The following IQCB1 variants were observed in gnomAD, a reference collection of about 807,000 sequenced individuals.
IQCB1 encodes IQ motif containing B1, also known as IQ calmodulin-binding motif-containing protein 1.
A neutral mutation model predicts 84.4 loss-of-function variants in IQCB1; 56 were observed. The observed-to-expected ratio is 0.66, with a 90% confidence interval of 0.54 to 0.83. The LOEUF is 0.83. Ranked by LOEUF, IQCB1 falls within the 40% of genes least tolerant of loss-of-function variation. The pLI, the probability that IQCB1 is intolerant of heterozygous loss-of-function variation, is 0.00. For missense variants in IQCB1, 629 were observed against 682.1 expected (o/e 0.92, Z 0.87); for synonymous variants, 210 against 234.8 (o/e 0.89, Z 0.96).
At position 121,797,177 on chromosome 3, in the gene IQCB1, C is replaced by A. The variant is rs794727964; in HGVS notation, c.817G>T (p.Glu273Ter). The A allele has an allele frequency of 1.2e-6, 2 of 1,610,670 alleles. No individual in the cohort carries two copies. The highest frequency in any genetic ancestry group is 1.8e-4 in the Middle Eastern group (1 of 5,576). ...AAAAGGCCAACAAGCTGTCTAAGTTCTTGACTGAATTCAGTCCCAGTTTCC... is the reference window on the plus strand; with the variant it reads ...AAAAGGCCAACAAGCTGTCTAAGTTATTGACTGAATTCAGTCCCAGTTTCC... ...KQETGTEFSQ[E>*]LRQLVGLLSP... The change falls in exon 9 of 15, where the codon GAA becomes TAA. Residue 273 changes from glutamate to a stop codon, truncating the protein, a stop_gained. Coordinates refer to ENST00000310864, the MANE Select transcript of IQCB1 (RefSeq NM_001023570.4). LOFTEE classifies it high-confidence loss of function.
intron 8 of IQCB1, among the ~76,000 whole-genome samples, 176 bp from the exon 9 acceptor site, chr3:121,797,403 G>A: frequency 6.8e-6 from 1 of 147,468 alleles, no homozygotes; most frequent in Non-Finnish European, 1.5e-5. Context: ...AAATCTTTAA[G>A]ATATTCCTCC....
At chr3:121,787,576 C>T (rs1369670214) in intron 12 of IQCB1, among the ~76,000 whole-genome samples, 1 of 151,992 alleles carries the variant, frequency 6.6e-6, no homozygotes, top group South Asian at 2.1e-4. Flanking sequence ...TATGGTGAAA[C>T]CCCGTCTCTA....
chr3:121,819,115 T>C (rs934049715), intron 5 of IQCB1, among the ~76,000 whole-genome samples: 3 of 152,222 alleles, frequency 2.0e-5, no homozygotes, highest in African/African-American at 7.2e-5. Flanking sequence ...ATTTATTGTG[T>C]GCTTTATTTA....
chr3:121,805,692 G>A (rs974975151), intron 7 of IQCB1, among the ~76,000 whole-genome samples: 49 of 152,106 alleles, frequency 3.2e-4, no homozygotes, highest in Admixed American at 7.9e-4. Flanking sequence ...GTTGGAAACA[G>A]GCACTATTTC....
chr3:121,821,989 C>T (rs984397467), intron 5 of IQCB1, among the ~76,000 whole-genome samples: 11 of 152,174 alleles, frequency 7.2e-5, no homozygotes, highest in Non-Finnish European at 1.3e-4. Context: ...AAGATTGACC[C>T]TCTCCCACAT....
intron 5 of IQCB1, among the ~76,000 whole-genome samples, chr3:121,811,977 T>C (rs1949848287): frequency 6.6e-6 from 1 of 152,184 alleles, no homozygotes; most frequent in Admixed American, 6.5e-5. Context: ...CTCAAGTGGG[T>C]CCCTGACCCT....
intron 4 of IQCB1, among the ~76,000 whole-genome samples, chr3:121,826,497 AG>A (rs1036004890): frequency 1.3e-5 from 2 of 152,228 alleles, no homozygotes; most frequent in African/African-American, 4.8e-5. Context: ...TCAAAGCTAT[AG>A]GATACCTTGA....
At chr3:121,790,689 G>A (rs755967223) in intron 10 of IQCB1, among the ~76,000 whole-genome samples, 1 of 152,104 alleles carries the variant, frequency 6.6e-6, no homozygotes, top group Non-Finnish European at 1.5e-5. Flanking sequence ...TTAGTGACAT[G>A]AGAATATACT....
chr3:121,810,656 T>C (rs1299974272), intron 5 of IQCB1, among the ~76,000 whole-genome samples: 1 of 152,080 alleles, frequency 6.6e-6, no homozygotes, highest in African/African-American at 2.4e-5. Flanking sequence ...TAAATAAAGG[T>C]GCTTTGAAGA....
chr3:121,779,689 T>C (rs1948391668), intron 13 of IQCB1, among the ~76,000 whole-genome samples: 1 of 152,216 alleles, frequency 6.6e-6, no homozygotes, highest in African/African-American at 2.4e-5. Context: ...CTGCTAGACA[T>C]TGTGACTTTT....
intron 13 of IQCB1, among the ~76,000 whole-genome samples, chr3:121,776,204 C>T (rs113305044): frequency 0.032 from 4,893 of 152,104 alleles, 270 homozygotes; most frequent in African/African-American, 0.11. Flanking sequence ...GAATTATGGG[C>T]GTGAGTCACC....
intron 14 of IQCB1, among the ~76,000 whole-genome samples, chr3:121,772,308 A>T (rs1271821630): frequency 6.6e-6 from 1 of 151,936 alleles, no homozygotes; most frequent in African/African-American, 2.4e-5. Flanking sequence ...AGGGCTCAGC[A>T]TCTGAAATTA....
At chr3:121,810,761 C>T (rs72959239) in intron 5 of IQCB1, among the ~76,000 whole-genome samples, 3,450 of 152,146 alleles carry the variant, frequency 0.023, 133 homozygotes, top group African/African-American at 0.079. Flanking sequence ...CAGTGATTTG[C>T]TATAGAACCT....
At chr3:121,822,956 A>ACCCAG (rs1950327417) in intron 5 of IQCB1, among the ~76,000 whole-genome samples, 2 of 152,346 alleles carry the variant, frequency 1.3e-5, no homozygotes, top group African/African-American at 4.8e-5. Context: ...TGACCCAGAG[A>ACCCAG]AAAAACAGAT....
Position 121,799,495 on chromosome 3 carries a change from C to G in IQCB1, c.588-121G>C, listed in dbSNP as rs114055652. On this transcript the variant is annotated intron_variant, in intron 7 of 14. Transcript: ENST00000310864. ...ACTGTGTCCTGATCCAAGAATATAA[C>G]CACTTTTTCAAATATATGTTGGTTC... The G allele has an allele frequency of 2.0e-3, 1,313 of 652,844 alleles. 3 individuals carry two copies. The highest frequency in any genetic ancestry group is 5.2e-3 in the Admixed American group (180 of 34,848). 40.4% of individuals were successfully genotyped at this position (652,844 alleles called of 1,614,324 possible).
intron 12 of IQCB1, 100 bp downstream of exon 12, chr3:121,788,184 T>C: frequency 4.3e-6 from 5 of 1,167,234 alleles, no homozygotes; most frequent in Non-Finnish European, 6.4e-6. Context: ...GAAAACTAAG[T>C]GTCTTGACCA....
intron 14 of IQCB1, among the ~76,000 whole-genome samples, chr3:121,771,517 T>C (rs188893645): frequency 1.3e-5 from 2 of 150,438 alleles, no homozygotes; most frequent in East Asian, 4.0e-4. Context: ...TCAGTAGAGA[T>C]GGGGTTTCAC....
At position 121,809,320 on chromosome 3, in the gene IQCB1, A is replaced by G. The variant is rs557183565; in HGVS notation, c.394-311T>C. On this transcript the variant is annotated intron_variant, in intron 5 of 14. Coordinates refer to ENST00000310864, the MANE Select transcript of IQCB1 (RefSeq NM_001023570.4). ...ATCAGAATCACCTGTTGAGCTTTTT[A>G]AATACATCTATGCACAAGCTTTAGT... 2.0e-5 allele frequency among the ~76,000 whole-genome samples: 3 copies of G among 152,118 alleles called. No individual in the cohort carries two copies. In the East Asian group the frequency reaches 5.8e-4, roughly 29 times the overall value.
chr3:121,802,808 C>T (rs1949458360), intron 7 of IQCB1, among the ~76,000 whole-genome samples: 1 of 152,018 alleles, frequency 6.6e-6, no homozygotes, highest in African/African-American at 2.4e-5. Context: ...TATAAATTTC[C>T]CCTAAGTATC....
Sources: gnomAD v4.1 joint callset for allele counts (sites outside exome capture counted in the v4.1 genomes callset) on GRCh38, gnomAD v4.1.1 for gene constraint, MANE v1.5 for transcripts, NCBI Gene and HGNC (gene_info 2026-07-23, HGNC 2026-07-21) for gene names.